The following CNTN5 variants were observed in gnomAD, a reference collection of about 807,000 sequenced individuals.
The protein encoded by CNTN5 is contactin 5.
In CNTN5, 77 loss-of-function variants were observed where a neutral mutation model predicts 129.1. The ratio of observed to expected loss-of-function variants is 0.60; its 90% CI spans 0.50 to 0.72. The LOEUF is 0.72. Among genes scored for constraint, CNTN5 ranks in the 30% least tolerant of loss-of-function variants. The pLI is 0.00. For missense variants in CNTN5, 1,478 were observed against 1,328.8 expected, an observed-to-expected ratio of 1.11 and a Z score of -1.75; for synonymous variants, 509 against 465.6, an observed-to-expected ratio of 1.09 and a Z score of -1.20.
intron 1 of CNTN5, among the ~76,000 whole-genome samples, chr11:99,181,648 C>CA (rs1164660533): frequency 1.3e-5 from 2 of 152,068 alleles, no homozygotes; most frequent in Non-Finnish European, 2.9e-5. Context: ...TCTGTAATAA[C>CA]AAAAATGGAG....
intron 6 of CNTN5, among the ~76,000 whole-genome samples, chr11:99,873,981 C>T (rs776481780): frequency 1.2e-4 from 19 of 152,010 alleles, no homozygotes; most frequent in Non-Finnish European, 1.9e-4. Context: ...AAATATTGCA[C>T]ATTCTCACTT....
intron 2 of CNTN5, among the ~76,000 whole-genome samples, chr11:99,481,496 C>A (rs889841638): frequency 1.3e-5 from 2 of 152,066 alleles, no homozygotes; most frequent in Non-Finnish European, 2.9e-5. Context: ...AATACATTGA[C>A]TTTTAATGAA....
At chr11:100,138,996 G>A (rs1202172426) in intron 13 of CNTN5, among the ~76,000 whole-genome samples, 1 of 152,040 alleles carries the variant, frequency 6.6e-6, no homozygotes, top group Non-Finnish European at 1.5e-5. Context: ...GGAAAGAAAG[G>A]AATGCAAGAT....
intron 3 of CNTN5, among the ~76,000 whole-genome samples, chr11:99,744,343 A>G (rs1943977714): frequency 6.6e-6 from 1 of 151,856 alleles, no homozygotes; most frequent in South Asian, 2.1e-4. Flanking sequence ...AAACAAACAG[A>G]AAGAAAACAC....
chr11:99,652,739 T>C (rs1466075478), intron 3 of CNTN5, among the ~76,000 whole-genome samples: 2 of 152,112 alleles, frequency 1.3e-5, no homozygotes, highest in Non-Finnish European at 2.9e-5. Flanking sequence ...TGAAGTACAT[T>C]ATGTATACAC....
chr11:99,042,338 T>A (rs977654153), intron 1 of CNTN5, among the ~76,000 whole-genome samples: 46 of 150,646 alleles, frequency 3.1e-4, no homozygotes, highest in Non-Finnish European at 5.9e-4. Flanking sequence ...CTGCACGTTC[T>A]GCACATGTAC....
intron 17 of CNTN5, among the ~76,000 whole-genome samples, chr11:100,266,144 A>C (rs116188124): frequency 0.027 from 4,130 of 152,166 alleles, 199 homozygotes; most frequent in African/African-American, 0.095. Context: ...TGGTCTCAGC[A>C]CTTTGGGACA....
At chr11:100,208,876 T>G (rs1948966144) in intron 15 of CNTN5, among the ~76,000 whole-genome samples, 1 of 152,152 alleles carries the variant, frequency 6.6e-6, no homozygotes, top group South Asian at 2.1e-4. Context: ...CATAAATGCA[T>G]CTACTGTCAG....
chr11:100,136,091 T>A (rs1946515452), intron 13 of CNTN5, among the ~76,000 whole-genome samples: 1 of 152,124 alleles, frequency 6.6e-6, no homozygotes, highest in Non-Finnish European at 1.5e-5. Context: ...TAATGTTTTG[T>A]TGAATTAGGA....
intron 3 of CNTN5, among the ~76,000 whole-genome samples, chr11:99,798,337 T>C (rs922536595): frequency 6.6e-6 from 1 of 152,232 alleles, no homozygotes; most frequent in African/African-American, 2.4e-5. Flanking sequence ...GACATAGTGA[T>C]AAATTGTTCC....
chr11:99,811,302 T>C lies in CNTN5; in HGVS notation c.56-8242T>C, dbSNP rs547022279. Reference sequence around the variant, plus strand: ...ATAGAATTCTGAAGTTTTATTGGTGTCAGAAAATTCAGGAATATTTTGATG... The same window carrying C: ...ATAGAATTCTGAAGTTTTATTGGTGCCAGAAAATTCAGGAATATTTTGATG... On this transcript the variant is annotated intron_variant, in intron 3 of 24. Coordinates refer to ENST00000524871, the MANE Select transcript of CNTN5 (RefSeq NM_014361.4). Among the ~76,000 whole-genome samples the C allele has an allele frequency of 3.1e-4, 47 of 152,092 alleles. 2 individuals are homozygous for C. The East Asian group carries it at 8.7e-3, about 28-fold the overall frequency.
intron 8 of CNTN5, among the ~76,000 whole-genome samples, chr11:99,977,554 A>C (rs562094266): frequency 1.3e-5 from 2 of 152,342 alleles, no homozygotes; most frequent in Admixed American, 1.3e-4. Context: ...TCATGGCAGA[A>C]TGCAGACAGA....
Position 99,873,798 on chromosome 11 carries a change from T to C in CNTN5, c.577+28536T>C, listed in dbSNP as rs1349970257. On this transcript the variant is annotated intron_variant, in intron 6 of 24. Transcript: ENST00000524871. ...CACTGTTTACAATAGCAAAATCTTG[T>C]AGCTAACCTATATGTCTATCAAAGG... Among the ~76,000 whole-genome samples the C allele has an allele frequency of 2.0e-5, 3 of 152,140 alleles. No individual in the cohort carries two copies. The East Asian group carries it at 5.8e-4, about 29-fold the overall frequency.
intron 7 of CNTN5, among the ~76,000 whole-genome samples, chr11:99,931,244 A>G (rs1395364493): frequency 6.6e-6 from 1 of 152,168 alleles, no homozygotes; most frequent in African/African-American, 2.4e-5. Flanking sequence ...ATTGTAATAT[A>G]TTTTCCAGAT....
chr11:99,911,684 T>C lies in CNTN5; in HGVS notation c.578-4370T>C, dbSNP rs570303559. 2.0e-5 allele frequency among the ~76,000 whole-genome samples: 3 copies of C among 151,902 alleles called. No individual in the cohort carries two copies. The South Asian group carries it at 6.2e-4, about 32-fold the overall frequency. On this transcript the variant is annotated intron_variant, in intron 6 of 24. Coordinates refer to ENST00000524871, the MANE Select transcript of CNTN5 (RefSeq NM_014361.4). ...ATTTTTGAAATATTTTTCAGGTGTTTGTGTGTGGGTACATATAGCTCACAT... is the reference window on the plus strand; with the variant it reads ...ATTTTTGAAATATTTTTCAGGTGTTCGTGTGTGGGTACATATAGCTCACAT...
intron 13 of CNTN5, among the ~76,000 whole-genome samples, chr11:100,125,358 T>G (rs1191934632): frequency 6.6e-6 from 1 of 152,056 alleles, no homozygotes; most frequent in African/African-American, 2.4e-5. Flanking sequence ...GTGTCTATTT[T>G]CATCTTTATG....
chr11:99,628,315 G>A (rs1025983973), intron 3 of CNTN5, among the ~76,000 whole-genome samples: 1 of 151,914 alleles, frequency 6.6e-6, no homozygotes, highest in African/African-American at 2.4e-5. Flanking sequence ...AGACAACACT[G>A]CCTAAAAGGA....
At chr11:99,281,561 C>T in intron 1 of CNTN5, among the ~76,000 whole-genome samples, 1 of 151,888 alleles carries the variant, frequency 6.6e-6, no homozygotes, top group East Asian at 1.9e-4. Context: ...AATATTTCTC[C>T]CTGGGTCCTG....
chr11:100,095,538 G>A (rs143734852), intron 13 of CNTN5, among the ~76,000 whole-genome samples: 2,641 of 152,166 alleles, frequency 0.017, 32 homozygotes, highest in Middle Eastern at 0.044. Flanking sequence ...GGTAATGTGC[G>A]TGGGTTCATT....
Sources: allele counts gnomAD v4.1 joint callset (sites outside exome capture counted in the v4.1 genomes callset), GRCh38; gene constraint gnomAD v4.1.1; transcripts MANE v1.5; gene names NCBI Gene and HGNC (gene_info 2026-07-23, HGNC 2026-07-21).